The following DMC1 variants were observed in gnomAD, a reference collection of about 807,000 sequenced individuals.
The protein encoded by DMC1 is DNA meiotic recombinase 1.
A neutral mutation model predicts 50.1 loss-of-function variants in DMC1; 27 were observed. The ratio of observed to expected loss-of-function variants is 0.54; its 90% CI spans 0.40 to 0.74. DMC1 has a LOEUF of 0.74. Among genes scored for constraint, DMC1 ranks in the 30% least tolerant of loss-of-function variants. The probability of loss-of-function intolerance (pLI) is 0.00; values close to 1 mark genes in which losing one functional copy is unlikely to be tolerated. For synonymous variants in DMC1, 148 were observed against 136.1 expected (o/e 1.09, Z -0.61); for missense variants, 295 against 420.2 (o/e 0.70, Z 2.60).
At chr22:38,512,859 G>T in the DMC1 span, among the ~76,000 whole-genome samples, 3 of 152,046 alleles carry the variant, frequency 2.0e-5, no homozygotes, top group Admixed American at 6.6e-5. Context: ...CAAGGCGGGT[G>T]GATCACCTGA....
intron 12 of DMC1, among the ~76,000 whole-genome samples, chr22:38,522,536 G>T (rs1912624457): frequency 6.6e-6 from 1 of 151,894 alleles, no homozygotes; most frequent in African/African-American, 2.4e-5. Flanking sequence ...ATTCCAGCCT[G>T]GGCAACAGAA....
chr22:38,514,441 A>T (rs931600636), downstream of DMC1, among the ~76,000 whole-genome samples: 1 of 151,420 alleles, frequency 6.6e-6, no homozygotes, highest in Non-Finnish European at 1.5e-5. Context: ...GACGGGTTTC[A>T]CCATGTTGGC....
chr22:38,539,749 C>T (rs2090260241), intron 8 of DMC1, among the ~76,000 whole-genome samples: 1 of 152,074 alleles, frequency 6.6e-6, no homozygotes, highest in African/African-American at 2.4e-5. Context: ...AGAGATTAGG[C>T]AAATGACTTG....
chr22:38,521,538 TACACACACACACACACAC>T (rs111317680), intron 13 of DMC1, 52 bp downstream of exon 13: 126 of 643,046 alleles, frequency 2.0e-4, no homozygotes, highest in African/African-American at 9.4e-4. Context: ...ACCCCGTCTC[TACACACACACACACACAC>T]ACACACACAC....
chr22:38,521,830 A>T (rs758459720), intron 12 of DMC1, 106 bp from the exon 13 acceptor site: 10 of 848,354 alleles, frequency 1.2e-5, no homozygotes, highest in Non-Finnish European at 2.0e-5. Flanking sequence ...AGTTGGAATA[A>T]GTGTATATTC....
intron 12 of DMC1, among the ~76,000 whole-genome samples, chr22:38,537,346 T>C (rs1334873005): frequency 6.6e-6 from 1 of 152,136 alleles, no homozygotes; most frequent in African/African-American, 2.4e-5. Context: ...CCGGAGTAGC[T>C]GAGATTACAG....
chr22:38,538,103 C>T (rs757553123), intron 11 of DMC1, among the ~76,000 whole-genome samples, 192 bp downstream of exon 11: 5 of 151,792 alleles, frequency 3.3e-5, no homozygotes, highest in Non-Finnish European at 7.4e-5. Context: ...GAGATCGCAC[C>T]ACTGCACTCC....
the DMC1 span, among the ~76,000 whole-genome samples, chr22:38,510,182 A>G: frequency 6.6e-6 from 1 of 151,990 alleles, no homozygotes; most frequent in Admixed American, 6.6e-5. Context: ...GGCTGGGCAC[A>G]GTGGCTGACG....
downstream of DMC1, among the ~76,000 whole-genome samples, chr22:38,514,290 G>T (rs2089961579): frequency 7.2e-6 from 1 of 139,114 alleles, no homozygotes; most frequent in African/African-American, 2.7e-5. Flanking sequence ...GGAGTTGCAG[G>T]CTGGAGTGCA....
intron 4 of DMC1, among the ~76,000 whole-genome samples, chr22:38,563,642 C>A (rs1422758193): frequency 6.6e-6 from 1 of 152,050 alleles, no homozygotes; most frequent in Non-Finnish European, 1.5e-5. Context: ...CTGCTTGATG[C>A]CAGCAGTTCA....
At chr22:38,539,230 A>T in intron 9 of DMC1, 91 bp downstream of exon 9, 1 of 934,778 alleles carries the variant, frequency 1.1e-6, no homozygotes, top group Non-Finnish European at 1.7e-6. Flanking sequence ...TAAAATAGAA[A>T]AAAAGTATCA....
At position 38,537,510 on chromosome 22, in the gene DMC1, C is replaced by T. The variant is rs1249471497; in HGVS notation, c.836+82G>A. ...TACAGGCGTGAGCCACCGTGCCCGGCCTTGAAATTATTTTCTATTCTACGC... is the reference window on the plus strand; with the variant it reads ...TACAGGCGTGAGCCACCGTGCCCGGTCTTGAAATTATTTTCTATTCTACGC... On this transcript the variant is annotated intron_variant, in intron 12 of 13. Transcript: ENST00000216024. The T allele has an allele frequency of 3.0e-6, 4 of 1,350,536 alleles. 1 individual carries two copies. In the Admixed American group the frequency reaches 6.7e-5, roughly 23 times the overall value. 83.7% of individuals were successfully genotyped at this position (1,350,536 alleles called of 1,614,324 possible). A position where few individuals can be genotyped will look rare whatever the true frequency, so the allele number is the denominator to read the frequency against.
At chr22:38,515,925 GTA>G (rs2089973900), downstream of DMC1, among the ~76,000 whole-genome samples, 2 of 152,162 alleles carry the variant, frequency 1.3e-5, no homozygotes, top group African/African-American at 4.8e-5. Flanking sequence ...TCTGGTAACA[GTA>G]TGTTTCTGTG....
At chr22:38,531,609 G>C (rs1217467158) in intron 12 of DMC1, among the ~76,000 whole-genome samples, 1 of 151,718 alleles carries the variant, frequency 6.6e-6, no homozygotes, top group Non-Finnish European at 1.5e-5. Flanking sequence ...ATTTAGCTGT[G>C]GCAACTTTTG....
In DMC1 at chr22:38,567,600, A is replaced by G. The variant is rs1242715655; in HGVS notation, c.79T>C (p.Leu27=). ...EESLFQDIDL[L]QKHGINVADI... is the part of the protein sequence containing the mutation. ...CTACTTACAATTCCATGTTTCTGTA[A>G]CAGGTCAATATCTTGAAACAAAGAT... The change falls in exon 3 of 14, where the codon TTA becomes CTA. Residue 27 remains leucine (L), a synonymous_variant. Coordinates refer to ENST00000216024, the MANE Select transcript of DMC1 (RefSeq NM_007068.4). 1.9e-6 allele frequency: 3 copies of G among 1,610,320 alleles called. No homozygotes were observed. Among genetic ancestry groups the G allele is most frequent in the African/African-American group, 2.7e-5 (2 of 74,854 alleles).
chr22:38,509,694 G>C, the DMC1 span, among the ~76,000 whole-genome samples: 1 of 152,004 alleles, frequency 6.6e-6, no homozygotes, highest in African/African-American at 2.4e-5. Flanking sequence ...TTTAGAGACA[G>C]AGTCTCACTC....
chr22:38,554,092 G>T (rs12157895), intron 6 of DMC1, among the ~76,000 whole-genome samples: 4,468 of 151,896 alleles, frequency 0.029, 214 homozygotes, highest in African/African-American at 0.1. Context: ...TGGCACCACT[G>T]CACTGCAGCC....
chr22:38,563,362 C>G (rs1408469052), intron 4 of DMC1, among the ~76,000 whole-genome samples: 4 of 152,130 alleles, frequency 2.6e-5, no homozygotes, highest in African/African-American at 4.8e-5. Flanking sequence ...CTTTGGAGAA[C>G]TTGGAGAATG....
intron 12 of DMC1, among the ~76,000 whole-genome samples, chr22:38,527,412 C>T (rs560063078): frequency 7.2e-5 from 11 of 152,090 alleles, no homozygotes; most frequent in Admixed American, 5.9e-4. Context: ...ACCATGTTGG[C>T]CAGGCTGGTC....
Sources: gnomAD v4.1 joint callset for allele counts (sites outside exome capture counted in the v4.1 genomes callset) on GRCh38, gnomAD v4.1.1 for gene constraint, MANE v1.5 for transcripts, NCBI Gene and HGNC (gene_info 2026-07-23, HGNC 2026-07-21) for gene names.